The following LY86 variants were observed in gnomAD, a reference collection of about 807,000 sequenced individuals.
LY86 encodes the protein MD-1, RP105-associated.
Under a neutral mutation model 17.3 loss-of-function variants are expected in LY86, and 20 were observed. The observed-to-expected ratio is 1.15, with a 90% CI of 0.81 to 1.68. The LOEUF is 1.68. LY86 is among the 40% of genes most tolerant of loss of function. The pLI, the probability that LY86 is intolerant of heterozygous loss-of-function variation, is 0.00. For missense variants in LY86, 200 were observed against 191.9 expected (o/e 1.04, Z -0.25); for synonymous variants, 74 against 70.6 (o/e 1.05, Z -0.24).
intron 1 of LY86, among the ~76,000 whole-genome samples, chr6:6,610,090 A>T (rs1021218683): frequency 6.6e-6 from 1 of 152,176 alleles, no homozygotes; most frequent in African/African-American, 2.4e-5. Flanking sequence ...CCCAGCCAGG[A>T]TCTGTATGGT....
At chr6:6,613,525 A>G (rs1761458108) in intron 1 of LY86, among the ~76,000 whole-genome samples, 1 of 152,136 alleles carries the variant, frequency 6.6e-6, no homozygotes, top group Non-Finnish European at 1.5e-5. Flanking sequence ...GCTTGCTGTC[A>G]GGCCGGCCGC....
intron 3 of LY86, among the ~76,000 whole-genome samples, chr6:6,646,467 C>G (rs1244653760): frequency 6.6e-6 from 1 of 152,168 alleles, no homozygotes; most frequent in Non-Finnish European, 1.5e-5. Flanking sequence ...TCTTTCACCC[C>G]CTTACTTCCA....
intron 3 of LY86, among the ~76,000 whole-genome samples, chr6:6,640,413 A>AT (rs1045610446): frequency 1.3e-4 from 19 of 151,900 alleles, no homozygotes; most frequent in Admixed American, 9.8e-4. Context: ...AAAAATAAAA[A>AT]AAAAAGGCAG....
intron 4 of LY86, among the ~76,000 whole-genome samples, chr6:6,652,352 G>A (rs1368993590): frequency 6.6e-6 from 1 of 152,108 alleles, no homozygotes; most frequent in African/African-American, 2.4e-5. Flanking sequence ...ACTTTTGGTT[G>A]TAAAAGACGT....
intron 4 of LY86, among the ~76,000 whole-genome samples, chr6:6,652,822 T>C (rs1396641342): frequency 6.6e-6 from 1 of 152,218 alleles, no homozygotes; most frequent in Non-Finnish European, 1.5e-5. Flanking sequence ...ATATCTGTAA[T>C]TCATAATCTA....
At chr6:6,605,113 G>C (rs1761061725) in intron 1 of LY86, among the ~76,000 whole-genome samples, 1 of 151,598 alleles carries the variant, frequency 6.6e-6, no homozygotes, top group Non-Finnish European at 1.5e-5. Flanking sequence ...CCAGAAGTCA[G>C]TTTTGAGATA....
intron 1 of LY86, among the ~76,000 whole-genome samples, chr6:6,603,632 A>AACACACACACACACACACACAC (rs540840468): frequency 1.3e-4 from 18 of 135,870 alleles, no homozygotes; most frequent in African/African-American, 4.8e-4. Flanking sequence ...AAAAAAACAA[A>AACACACACACACACACACACAC]ACACACACAC....
At chr6:6,604,343 TAAAA>T (rs912766555) in intron 1 of LY86, among the ~76,000 whole-genome samples, 10 of 151,690 alleles carry the variant, frequency 6.6e-5, no homozygotes, top group African/African-American at 1.5e-4. Context: ...CTTCTTTAAT[TAAAA>T]AAACTCAAAA....
Position 6,626,330 on chromosome 6 carries a change from C to T in LY86, c.261C>T (p.Leu87=). 1.2e-6 allele frequency: 2 copies of T among 1,614,012 alleles called. No homozygotes were observed. The highest frequency in any genetic ancestry group is 1.1e-5 in the South Asian group (1 of 91,078). Reference sequence around the variant, plus strand: ...AAGAGCTTTTTCTTGACCTAGCTCTCATGTCTCAAGGCTCATCTGTTTTGA... The same window carrying T: ...AAGAGCTTTTTCTTGACCTAGCTCTTATGTCTCAAGGCTCATCTGTTTTGA... ...DIKELFLDLA[L]MSQGSSVLNF... is the part of the protein sequence containing the mutation. Residue 87 remains leucine, a synonymous_variant, in exon 3 of 5, where the codon CTC becomes CTT. Transcript: ENST00000230568.
At chr6:6,591,444 ATAG>A (rs1469927813) in intron 1 of LY86, 3 of 153,892 alleles carry the variant, frequency 1.9e-5, no homozygotes, top group African/African-American at 4.8e-5. Flanking sequence ...CACCAGGGAC[ATAG>A]TAGTCAGACG....
At chr6:6,613,413 C>T (rs1194650246) in intron 1 of LY86, among the ~76,000 whole-genome samples, 2 of 152,206 alleles carry the variant, frequency 1.3e-5, no homozygotes, top group Non-Finnish European at 2.9e-5. Flanking sequence ...GCATGGTGGG[C>T]TGCAGGTCCT....
intron 3 of LY86, among the ~76,000 whole-genome samples, chr6:6,633,808 T>A (rs1450514606): frequency 6.6e-6 from 1 of 152,234 alleles, no homozygotes; most frequent in Non-Finnish European, 1.5e-5. Flanking sequence ...GTGTATTGAT[T>A]CACAGACTGA....
intron 1 of LY86, chr6:6,621,305 CT>C (rs1433400525): frequency 6.6e-5 from 10 of 152,230 alleles, no homozygotes; most frequent in African/African-American, 1.9e-4. Context: ...GATGATCCGT[CT>C]TACATGTATT....
chr6:6,617,915 A>T lies in LY86; in HGVS notation c.137-7011A>T, dbSNP rs143843081. On this transcript the variant is annotated intron_variant, in intron 1 of 4. Transcript: ENST00000230568. ...GAGTGCAGTGGCGCGATCTCGGCAC[A>T]CTGCAACCTCCGCCTCCCAGGTTCA... Among the ~76,000 whole-genome samples the T allele has an allele frequency of 7.5e-3, 1,135 of 152,294 alleles. 10 individuals carry two copies. Among genetic ancestry groups the T allele is most frequent in the African/African-American group, 0.025 (1,057 of 41,550 alleles).
chr6:6,636,419 C>T (rs1268849465), intron 3 of LY86, among the ~76,000 whole-genome samples: 1 of 152,198 alleles, frequency 6.6e-6, no homozygotes, highest in East Asian at 1.9e-4. Context: ...AATAAGTGAT[C>T]CATGGCAGCA....
At chr6:6,649,483 G>GGGTGGTC in intron 3 of LY86, 142 bp from the exon 4 acceptor site, 1 of 455,390 alleles carries the variant, frequency 2.2e-6, no homozygotes, top group African/African-American at 2.2e-5. Flanking sequence ...GTGTAGATCA[G>GGGTGGTC]GAAATGAAAA....
chr6:6,649,943 G>A (rs770285960), intron 4 of LY86, among the ~76,000 whole-genome samples: 1 of 152,140 alleles, frequency 6.6e-6, no homozygotes, highest in Non-Finnish European at 1.5e-5. Context: ...GGAATCCTCC[G>A]AGTACAAACC....
At chr6:6,647,968 T>C (rs1554126761) in intron 3 of LY86, among the ~76,000 whole-genome samples, 24 of 144,800 alleles carry the variant, frequency 1.7e-4, no homozygotes, top group East Asian at 6.3e-4. Flanking sequence ...AATCATCACA[T>C]ACACACACAC....
chr6:6,604,090 G>A (rs6597222), intron 1 of LY86, among the ~76,000 whole-genome samples: 13,208 of 152,136 alleles, frequency 0.087, 1,596 homozygotes, highest in African/African-American at 0.27. Context: ...GTTCTTGATT[G>A]GGAACATCTG....
Sources: gnomAD v4.1 joint callset for allele counts (sites outside exome capture counted in the v4.1 genomes callset) on GRCh38, gnomAD v4.1.1 for gene constraint, MANE v1.5 for transcripts, NCBI Gene and HGNC (gene_info 2026-07-23, HGNC 2026-07-21) for gene names.